AGMO: variants seen among roughly 807,000 people sequenced by gnomAD.
AGMO encodes alkylglycerol monooxygenase.
In AGMO, 75 loss-of-function variants were observed where a neutral mutation model predicts 60.2. The ratio of observed to expected loss-of-function variants is 1.25; its 90% CI spans 1.03 to 1.51. The LOEUF (loss-of-function observed/expected upper bound fraction) is 1.51, where lower values mean the gene tolerates loss of function less well. Ranked by LOEUF, AGMO falls within the 40% of genes most tolerant of loss-of-function variation. AGMO has a pLI of 0.00. For missense variants in AGMO, 763 were observed against 525.5 expected (o/e 1.45, Z -4.42); for synonymous variants, 261 against 177.1 (o/e 1.47, Z -3.76).
chr7:15,484,930 G>A (rs1782871670), intron 3 of AGMO, among the ~76,000 whole-genome samples: 1 of 152,002 alleles, frequency 6.6e-6, no homozygotes, highest in Non-Finnish European at 1.5e-5. Context: ...TATGTAGAGG[G>A]GTAGATGAGA....
chr7:15,122,167 G>C, the AGMO span, among the ~76,000 whole-genome samples: 2 of 152,076 alleles, frequency 1.3e-5, no homozygotes, highest in Admixed American at 1.3e-4. Flanking sequence ...ATTTGTCAAA[G>C]GTCTAATATC....
chr7:15,502,869 T>C (rs1387190450), intron 3 of AGMO, among the ~76,000 whole-genome samples: 1 of 151,996 alleles, frequency 6.6e-6, no homozygotes, highest in Non-Finnish European at 1.5e-5. Context: ...AGACCTGTGA[T>C]CAAATTGCAG....
intron 12 of AGMO, among the ~76,000 whole-genome samples, chr7:15,292,041 A>G (rs1031638131): frequency 6.7e-6 from 1 of 148,678 alleles, no homozygotes; most frequent in East Asian, 2.0e-4. Flanking sequence ...AGGTGAATTT[A>G]GACTATAATC....
Position 15,462,465 on chromosome 7 carries a change from T to C in AGMO, c.410-31357A>G, listed in dbSNP as rs111508084. Among the ~76,000 whole-genome samples, 129 of 152,306 alleles carry C rather than the reference T, an allele frequency of 8.5e-4. No homozygotes were observed. In the Middle Eastern group the frequency reaches 0.017, roughly 20 times the overall value. ...GTACACAACATTGGAAAAGTTCTAC[T>C]ATTTAAAATGTCTGATTAAGTACTA... On this transcript the variant is annotated intron_variant, in intron 3 of 12. Transcript: ENST00000342526.
chr7:15,324,143 C>T (rs1055474736), intron 12 of AGMO, among the ~76,000 whole-genome samples: 1 of 152,140 alleles, frequency 6.6e-6, no homozygotes, highest in Non-Finnish European at 1.5e-5. Flanking sequence ...CAGTATTACT[C>T]CAGCGCAGCA....
chr7:15,307,562 A>G (rs1262485253), intron 12 of AGMO, among the ~76,000 whole-genome samples: 3 of 151,998 alleles, frequency 2.0e-5, no homozygotes, highest in East Asian at 1.9e-4. Context: ...GAAGGACACT[A>G]TAATTACCTA....
chr7:15,342,462 C>G (rs1366297294), intron 12 of AGMO, among the ~76,000 whole-genome samples: 2 of 151,938 alleles, frequency 1.3e-5, no homozygotes, highest in African/African-American at 4.8e-5. Context: ...TTGGTAAACT[C>G]CCCACCCATC....
intron 12 of AGMO, among the ~76,000 whole-genome samples, chr7:15,248,902 CT>C (rs1782848827): frequency 6.6e-6 from 1 of 152,174 alleles, no homozygotes; most frequent in Non-Finnish European, 1.5e-5. Context: ...TCCTATTTTA[CT>C]CTCTGATTTC....
intron 4 of AGMO, among the ~76,000 whole-genome samples, chr7:15,422,770 C>T (rs558420622): frequency 1.3e-5 from 2 of 152,026 alleles, no homozygotes; most frequent in Non-Finnish European, 2.9e-5. Flanking sequence ...AATTGCCAAC[C>T]TGGTACAAGA....
At chr7:15,463,898 T>C (rs1418540282) in intron 3 of AGMO, among the ~76,000 whole-genome samples, 2 of 152,316 alleles carry the variant, frequency 1.3e-5, no homozygotes, top group East Asian at 3.9e-4. Flanking sequence ...TTGATTATTT[T>C]TAGTTCTAAG....
chr7:15,235,029 T>C (rs1782374996), intron 12 of AGMO, among the ~76,000 whole-genome samples: 2 of 152,142 alleles, frequency 1.3e-5, no homozygotes, highest in Non-Finnish European at 2.9e-5. Flanking sequence ...GAGCATATCA[T>C]ACCATTTGCT....
chr7:15,293,041 G>C (rs544523102), intron 12 of AGMO, among the ~76,000 whole-genome samples: 1 of 152,174 alleles, frequency 6.6e-6, no homozygotes, highest in South Asian at 2.1e-4. Flanking sequence ...GGGATTACAA[G>C]TGTGAGCCAC....
chr7:15,131,169 T>C, the AGMO span, among the ~76,000 whole-genome samples: 4 of 152,144 alleles, frequency 2.6e-5, no homozygotes, highest in Non-Finnish European at 5.9e-5. Flanking sequence ...GTTTAAACAA[T>C]GATTTCATCA....
intron 4 of AGMO, among the ~76,000 whole-genome samples, chr7:15,429,092 G>T (rs541075706): frequency 6.6e-6 from 1 of 152,072 alleles, no homozygotes; most frequent in Non-Finnish European, 1.5e-5. Flanking sequence ...AGTGATTTTT[G>T]TTTGTACTTA....
At chr7:15,345,883 AT>A (rs147407572) in intron 12 of AGMO, among the ~76,000 whole-genome samples, 18 of 151,546 alleles carry the variant, frequency 1.2e-4, no homozygotes, top group African/African-American at 2.7e-4. Context: ...TTGGTACTTA[AT>A]TTTTTTTTGA....
At chr7:15,151,417 T>C in the AGMO span, among the ~76,000 whole-genome samples, 8 of 152,186 alleles carry the variant, frequency 5.3e-5, no homozygotes, top group Non-Finnish European at 1.2e-4. Context: ...TGATGTTAGA[T>C]TTGAGATCTT....
chr7:15,201,202 A>T lies in AGMO; in HGVS notation c.*83T>A. The T allele has an allele frequency of 1.2e-6, 1 of 854,002 alleles. No individual in the cohort carries two copies. Among genetic ancestry groups the T allele is most frequent in the Non-Finnish European group, 1.8e-6 (1 of 559,266 alleles). 52.9% of individuals were successfully genotyped at this position (854,002 alleles called of 1,614,324 possible). On this transcript the variant is annotated 3_prime_UTR_variant, in exon 13 of 13. Coordinates refer to ENST00000342526, the MANE Select transcript of AGMO (RefSeq NM_001004320.2). ...AAGAAATAGTTCATATAAGCATTAC[A>T]TAAAATAATTACATTTTAATATGCA...
intron 6 of AGMO, 98 bp from the exon 7 acceptor site, chr7:15,391,003 A>T (rs893419610): frequency 1.9e-5 from 14 of 742,026 alleles, no homozygotes; most frequent in Non-Finnish European, 2.9e-5. Flanking sequence ...TAAAATTCAG[A>T]TTTAAACAGG....
At chr7:15,224,074 G>A (rs1234368400) in intron 12 of AGMO, among the ~76,000 whole-genome samples, 1 of 151,926 alleles carries the variant, frequency 6.6e-6, no homozygotes, top group African/African-American at 2.4e-5. Context: ...AATAAAGAGA[G>A]ATCTAAATTA....
Sources: gnomAD v4.1 joint callset for allele counts (sites outside exome capture counted in the v4.1 genomes callset) on GRCh38, gnomAD v4.1.1 for gene constraint, MANE v1.5 for transcripts, NCBI Gene and HGNC (gene_info 2026-07-23, HGNC 2026-07-21) for gene names.